The following VAV2 variants were observed in gnomAD, a reference collection of about 807,000 sequenced individuals.
The protein encoded by VAV2 is vav guanine nucleotide exchange factor 2.
A neutral mutation model predicts 132.5 loss-of-function variants in VAV2; 67 were observed. The ratio of observed to expected loss-of-function variants is 0.51; its 90% CI spans 0.42 to 0.62. VAV2 has a LOEUF of 0.62. Ranked by LOEUF, VAV2 falls within the 20% of genes least tolerant of loss-of-function variation. The probability of loss-of-function intolerance (pLI) is 0.00; values close to 1 mark genes in which losing one functional copy is unlikely to be tolerated. For synonymous variants in VAV2, 492 were observed against 443.5 expected (o/e 1.11, Z -1.37); for missense variants, 938 against 1,153.6 (o/e 0.81, Z 2.71).
At chr9:133,851,822 T>C (rs1837186862) in intron 3 of VAV2, among the ~76,000 whole-genome samples, 1 of 149,438 alleles carries the variant, frequency 6.7e-6, no homozygotes, top group Admixed American at 6.9e-5. Flanking sequence ...GATGGATGGA[T>C]GGATGGATGG....
intron 4 of VAV2, among the ~76,000 whole-genome samples, chr9:133,812,980 C>A (rs989347291): frequency 4.6e-5 from 7 of 152,196 alleles, no homozygotes; most frequent in African/African-American, 7.2e-5. Flanking sequence ...TGAGTGGCAG[C>A]GGATGAGCCT....
chr9:133,922,951 C>T, intron 2 of VAV2, among the ~76,000 whole-genome samples: 1 of 152,166 alleles, frequency 6.6e-6, no homozygotes, highest in East Asian at 1.9e-4. Flanking sequence ...AACCATGTCT[C>T]TCATAAGGGG....
At chr9:133,875,805 C>A (rs995600235) in intron 2 of VAV2, among the ~76,000 whole-genome samples, 3 of 152,134 alleles carry the variant, frequency 2.0e-5, no homozygotes, top group Non-Finnish European at 4.4e-5. Context: ...CTAAGGGGTA[C>A]CCAGAGGGCA....
Position 133,788,702 on chromosome 9 carries a change from G to C in VAV2, c.1275-216C>G, listed in dbSNP as rs12351511. On this transcript the variant is annotated intron_variant, in intron 14 of 29. Transcript: ENST00000371850. The surrounding 1 kb of genome is among the most constrained non-coding windows in gnomAD (Gnocchi z 5.3). ...AAGCCTTCCTTGGCTCCCTACCCCC[G>C]TGACTGAGGCTGTGCCAGGAGCCCT... 2.0e-5 allele frequency among the ~76,000 whole-genome samples: 3 copies of C among 152,010 alleles called. No homozygotes were observed. Among genetic ancestry groups the C allele is most frequent in the African/African-American group, 7.2e-5 (3 of 41,394 alleles).
chr9:133,963,521 G>C (rs1842031605), intron 1 of VAV2, among the ~76,000 whole-genome samples: 1 of 152,236 alleles, frequency 6.6e-6, no homozygotes, highest in Non-Finnish European at 1.5e-5. Flanking sequence ...GCAGCTCTCA[G>C]GGTGGCTATC....
intron 2 of VAV2, among the ~76,000 whole-genome samples, chr9:133,915,728 C>T (rs1450797582): frequency 6.6e-6 from 1 of 151,302 alleles, no homozygotes. Context: ...TGTACATGTA[C>T]ACACAACGCA....
At chr9:133,829,533 T>G (rs756154021) in intron 4 of VAV2, among the ~76,000 whole-genome samples, 1 of 152,252 alleles carries the variant, frequency 6.6e-6, no homozygotes, top group Non-Finnish European at 1.5e-5. Flanking sequence ...ATCAGAGGAC[T>G]CAGCGCAAGC....
chr9:133,894,980 G>C (rs1588329983), intron 2 of VAV2, among the ~76,000 whole-genome samples: 1 of 152,336 alleles, frequency 6.6e-6, no homozygotes, highest in East Asian at 1.9e-4. Flanking sequence ...GTTGACGTGG[G>C]AGGCAGGAGG....
chr9:133,882,117 G>C (rs7852459), intron 2 of VAV2, among the ~76,000 whole-genome samples: 21,288 of 152,338 alleles, frequency 0.14, 1,569 homozygotes, highest in South Asian at 0.21. Context: ...GCCCCAGGCT[G>C]TACGGGACAC....
intron 3 of VAV2, among the ~76,000 whole-genome samples, chr9:133,854,974 G>A (rs137899974): frequency 5.9e-5 from 9 of 152,106 alleles, no homozygotes; most frequent in Admixed American, 3.3e-4. Flanking sequence ...GCCACCTTCC[G>A]TCCCCATCTC....
At position 133,826,888 on chromosome 9, in the gene VAV2, C is replaced by T. The variant is rs1293194151; in HGVS notation, c.449+7384G>A. ...ACTTCACAGACAGGCAAGGGCAACCCTGCCACAGCGGCACCAGTGTCCTCG... is the reference window on the plus strand; with the variant it reads ...ACTTCACAGACAGGCAAGGGCAACCTTGCCACAGCGGCACCAGTGTCCTCG... On this transcript the variant is annotated intron_variant, in intron 4 of 29. Coordinates refer to ENST00000371850, the MANE Select transcript of VAV2 (RefSeq NM_001134398.2). This position sits in a 1 kb window ranked among gnomAD's most constrained non-coding sequence, Gnocchi z 4.2. Among the ~76,000 whole-genome samples, 1 of 152,206 alleles carries T rather than the reference C, an allele frequency of 6.6e-6. No individual in the cohort carries two copies. Among genetic ancestry groups the T allele is most frequent in the Non-Finnish European group, 1.5e-5 (1 of 68,038 alleles).
At chr9:133,811,542 C>T (rs1835358137) in intron 5 of VAV2, among the ~76,000 whole-genome samples, 1 of 152,232 alleles carries the variant, frequency 6.6e-6, no homozygotes, top group Non-Finnish European at 1.5e-5. Flanking sequence ...GCTGGATCCC[C>T]ACCTTCCACA....
chr9:133,882,377 C>T (rs1311252301), intron 2 of VAV2, among the ~76,000 whole-genome samples: 1 of 152,208 alleles, frequency 6.6e-6, no homozygotes, highest in African/African-American at 2.4e-5. Context: ...GACATCTGTA[C>T]GGGGCTGGAG....
chr9:133,915,278 T>C (rs1279434712), intron 2 of VAV2, among the ~76,000 whole-genome samples: 1 of 152,152 alleles, frequency 6.6e-6, no homozygotes, highest in Middle Eastern at 3.2e-3. Context: ...CCCGCCCTCC[T>C]TGTGATCACG....
chr9:133,779,846 T>C (rs12001323), intron 21 of VAV2, 72 bp downstream of exon 21: 26,099 of 1,577,612 alleles, frequency 0.017, 329 homozygotes, highest in African/African-American at 0.056. Flanking sequence ...TCACCACACC[T>C]AGGCCCTGGC....
intron 3 of VAV2, among the ~76,000 whole-genome samples, chr9:133,848,172 C>A (rs1351823906): frequency 6.7e-6 from 1 of 148,364 alleles, no homozygotes; most frequent in African/African-American, 2.5e-5. Context: ...TCCAGCTACT[C>A]GGGAGGCTGA....
At chr9:133,816,037 T>G (rs1835547190) in intron 4 of VAV2, among the ~76,000 whole-genome samples, 1 of 152,176 alleles carries the variant, frequency 6.6e-6, no homozygotes, top group Non-Finnish European at 1.5e-5. Flanking sequence ...GCCCCCAGAG[T>G]GCGTGTGGAG....
At chr9:133,838,653 G>A (rs1836577218) in intron 3 of VAV2, among the ~76,000 whole-genome samples, 1 of 148,834 alleles carries the variant, frequency 6.7e-6, no homozygotes, top group Non-Finnish European at 1.5e-5. Context: ...ATAGATGGAT[G>A]GATGGGTGGA....
intron 2 of VAV2, among the ~76,000 whole-genome samples, chr9:133,864,212 A>C (rs1837710039): frequency 6.6e-6 from 1 of 151,740 alleles, no homozygotes; most frequent in Non-Finnish European, 1.5e-5. Flanking sequence ...TCTCCCGCAG[A>C]CAGCCGCGGG....
Sources: allele counts gnomAD v4.1 joint callset (sites outside exome capture counted in the v4.1 genomes callset), GRCh38; gene constraint gnomAD v4.1.1; non-coding constraint Gnocchi (gnomAD v3.1); transcripts MANE v1.5; gene names NCBI Gene and HGNC (gene_info 2026-07-23, HGNC 2026-07-21).